ANO3: variants seen among roughly 807,000 people sequenced by gnomAD.
ANO3 encodes the protein anoctamin 3, also known as anoctamin-3.
A neutral mutation model predicts 144.8 loss-of-function variants in ANO3; 99 were observed. That is an observed-to-expected ratio of 0.68 (90% CI 0.58 to 0.81). The LOEUF is 0.81. ANO3 is among the 30% of genes least tolerant of loss of function. The pLI, the probability that ANO3 is intolerant of heterozygous loss-of-function variation, is 0.00. For missense variants in ANO3, 905 were observed against 1,202.2 expected (o/e 0.75, Z 3.66); for synonymous variants, 414 against 392.6 (o/e 1.05, Z -0.64).
chr11:26,424,780 A>T (rs1300630602), intron 1 of ANO3, among the ~76,000 whole-genome samples: 1 of 152,138 alleles, frequency 6.6e-6, no homozygotes, highest in East Asian at 1.9e-4. Flanking sequence ...TCTTGGACCT[A>T]CTATAGAAAA....
intron 1 of ANO3, among the ~76,000 whole-genome samples, chr11:26,369,305 A>G (rs995410113): frequency 6.6e-6 from 1 of 152,144 alleles, no homozygotes; most frequent in Non-Finnish European, 1.5e-5. Context: ...GCCATCTGGA[A>G]ACATTAAAAT....
chr11:26,639,007 C>T (rs913022487), intron 20 of ANO3, 137 bp from the exon 21 acceptor site: 2 of 600,534 alleles, frequency 3.3e-6, no homozygotes, highest in South Asian at 2.2e-5. Context: ...CATGCTGTTT[C>T]TTTCTTGTTT....
chr11:26,508,038 T>C, intron 4 of ANO3, 66 bp from the exon 5 acceptor site: 2 of 1,425,036 alleles, frequency 1.4e-6, no homozygotes, highest in Non-Finnish European at 1.9e-6. Flanking sequence ...CAAATGGCAG[T>C]AACTGTAACT....
At chr11:26,367,843 G>A (rs983421505) in intron 1 of ANO3, among the ~76,000 whole-genome samples, 1 of 152,168 alleles carries the variant, frequency 6.6e-6, no homozygotes, top group African/African-American at 2.4e-5. Context: ...CAGGGAGAAA[G>A]CAGGAGCAAA....
intron 14 of ANO3, among the ~76,000 whole-genome samples, chr11:26,586,796 C>T (rs1025901987): frequency 2.8e-5 from 4 of 141,630 alleles, no homozygotes; most frequent in Admixed American, 7.3e-5. Flanking sequence ...CCACCACGCC[C>T]GGCCTCTAAT....
chr11:26,630,648 G>A (rs1333193149), intron 18 of ANO3, among the ~76,000 whole-genome samples: 2 of 152,144 alleles, frequency 1.3e-5, no homozygotes, highest in East Asian at 3.8e-4. Context: ...TCATTGTTAA[G>A]TTTTTGGACT....
At chr11:26,636,436 A>T (rs1852961015) in intron 20 of ANO3, among the ~76,000 whole-genome samples, 1 of 152,170 alleles carries the variant, frequency 6.6e-6, no homozygotes, top group Non-Finnish European at 1.5e-5. Context: ...AATATGAAAA[A>T]GTTTTTAATA....
intron 1 of ANO3, among the ~76,000 whole-genome samples, chr11:26,234,126 T>C (rs1852463649): frequency 6.6e-6 from 1 of 152,134 alleles, no homozygotes; most frequent in Non-Finnish European, 1.5e-5. Flanking sequence ...AACAAAACAG[T>C]ATAACGTTTG....
At chr11:26,627,632 A>G (rs1852629096) in intron 18 of ANO3, among the ~76,000 whole-genome samples, 1 of 152,142 alleles carries the variant, frequency 6.6e-6, no homozygotes, top group Non-Finnish European at 1.5e-5. Flanking sequence ...ACTTAATAGT[A>G]GGAAACAGAA....
chr11:26,597,403 T>A (rs1851665265), intron 14 of ANO3, among the ~76,000 whole-genome samples: 1 of 152,200 alleles, frequency 6.6e-6, no homozygotes, highest in South Asian at 2.1e-4. Flanking sequence ...ACCTGGGCAC[T>A]TAGCCGTGCA....
intron 14 of ANO3, among the ~76,000 whole-genome samples, chr11:26,578,662 G>A (rs190811019): frequency 9.2e-5 from 14 of 152,258 alleles, no homozygotes; most frequent in Non-Finnish European, 1.8e-4. Flanking sequence ...GGGTTAAAAA[G>A]TACGATTATA....
intron 1 of ANO3, among the ~76,000 whole-genome samples, chr11:26,324,691 A>C (rs1854841105): frequency 6.6e-6 from 1 of 152,222 alleles, no homozygotes; most frequent in Admixed American, 6.5e-5. Flanking sequence ...GGGGGCTGGT[A>C]AGCCAAAATT....
chr11:26,599,744 G>C, intron 17 of ANO3, 30 bp downstream of exon 17: 2 of 1,581,998 alleles, frequency 1.3e-6, no homozygotes, highest in Non-Finnish European at 1.7e-6. Flanking sequence ...TTCTTCAGTA[G>C]ACAAAAAAGG....
At chr11:26,567,498 T>C (rs1237096208) in intron 14 of ANO3, among the ~76,000 whole-genome samples, 2 of 151,956 alleles carry the variant, frequency 1.3e-5, no homozygotes, top group Non-Finnish European at 2.9e-5. Context: ...ATGTGTTGAT[T>C]TTAAATAGCA....
intron 17 of ANO3, among the ~76,000 whole-genome samples, chr11:26,609,582 G>C (rs1045247002): frequency 2.6e-5 from 4 of 151,966 alleles, no homozygotes; most frequent in African/African-American, 2.4e-5. Context: ...AATCACCGCT[G>C]CTTCTAGTCA....
intron 4 of ANO3, among the ~76,000 whole-genome samples, chr11:26,478,071 A>C (rs1355130): frequency 0.086 from 13,032 of 152,214 alleles, 751 homozygotes; most frequent in Admixed American, 0.15. Flanking sequence ...ACTAATTCTC[A>C]AGTGTGCCAT....
chr11:26,221,426 G>A (rs1020098223), intron 1 of ANO3, among the ~76,000 whole-genome samples: 1 of 152,178 alleles, frequency 6.6e-6, no homozygotes, highest in Non-Finnish European at 1.5e-5. Flanking sequence ...AGATCATCAG[G>A]TTACTCACAG....
At chr11:26,291,379 C>T (rs527376744) in intron 1 of ANO3, among the ~76,000 whole-genome samples, 1 of 152,188 alleles carries the variant, frequency 6.6e-6, no homozygotes, top group East Asian at 1.9e-4. Flanking sequence ...CAGTCTGTGT[C>T]TTTTAATTGG....
At chr11:26,228,867 T>G (rs1852320328) in intron 1 of ANO3, among the ~76,000 whole-genome samples, 1 of 152,160 alleles carries the variant, frequency 6.6e-6, no homozygotes, top group Non-Finnish European at 1.5e-5. Context: ...CGGTTGTGAA[T>G]CATTTGCCAA....
Sources: gnomAD v4.1 joint callset for allele counts (sites outside exome capture counted in the v4.1 genomes callset) on GRCh38, gnomAD v4.1.1 for gene constraint, MANE v1.5 for transcripts, NCBI Gene and HGNC (gene_info 2026-07-23, HGNC 2026-07-21) for gene names.